The following ANKRD11 variants were observed in gnomAD, a reference collection of about 807,000 sequenced individuals.
ANKRD11 encodes the protein ankyrin repeat domain 11, also known as ankyrin repeat domain-containing protein 11.
ANKRD11 carries 17 observed loss-of-function variants against 195.7 expected under a neutral mutation model. That is an observed-to-expected ratio of 0.09 (90% CI 0.06 to 0.13). The LOEUF is 0.13. Ranked by LOEUF, ANKRD11 falls within the 10% of genes least tolerant of loss-of-function variation. The pLI, the probability that ANKRD11 is intolerant of heterozygous loss-of-function variation, is 1.00. For synonymous variants in ANKRD11, 1,953 were observed against 1,528.1 expected (o/e 1.28, Z -6.49); for missense variants, 3,735 against 3,566.1 (o/e 1.05, Z -1.21).
intron 4 of ANKRD11, chr16:89,299,124 A>C (rs1412510667): frequency 6.5e-6 from 1 of 153,566 alleles, no homozygotes; most frequent in Non-Finnish European, 1.5e-5. Flanking sequence ...CTTTCCAGAG[A>C]CTCACGAGGT....
At chr16:89,445,060 G>T (rs1346621287) in intron 1 of ANKRD11, among the ~76,000 whole-genome samples, 2 of 152,178 alleles carry the variant, frequency 1.3e-5, no homozygotes, top group Non-Finnish European at 2.9e-5. Flanking sequence ...TCAGCATCCA[G>T]GTGTGCTGGC....
chr16:89,284,598 G>T lies in ANKRD11; in HGVS notation c.1944C>A (p.Ile648=). ...HKNKEKGQCS[I]SQELKLKSFT... ...AACTTTTCAACTTCAGCTCTTGGCTGATGGAACACTGTCCCTTCTCCTTGT... is the reference window on the plus strand; with the variant it reads ...AACTTTTCAACTTCAGCTCTTGGCTTATGGAACACTGTCCCTTCTCCTTGT... Residue 648 remains isoleucine (I), a synonymous_variant, in exon 9 of 13, where the codon ATC becomes ATA. Transcript: ENST00000301030. 1 of 1,614,136 alleles carries T rather than the reference G, an allele frequency of 6.2e-7. No homozygotes were observed. Among genetic ancestry groups the T allele is most frequent in the Non-Finnish European group, 8.5e-7 (1 of 1,180,026 alleles).
intron 3 of ANKRD11, among the ~76,000 whole-genome samples, chr16:89,310,078 T>C (rs1400042577): frequency 1.3e-5 from 2 of 152,186 alleles, no homozygotes; most frequent in Non-Finnish European, 2.9e-5. Context: ...GTTGACACCC[T>C]CCCCCTGGAG....
At chr16:89,408,030 T>C (rs1384395032) in intron 2 of ANKRD11, among the ~76,000 whole-genome samples, 1 of 152,076 alleles carries the variant, frequency 6.6e-6, no homozygotes, top group Non-Finnish European at 1.5e-5. Context: ...ACAGCTGCCA[T>C]GCAGTGGTAG....
chr16:89,415,242 C>T (rs889620381), intron 2 of ANKRD11, among the ~76,000 whole-genome samples: 2 of 150,056 alleles, frequency 1.3e-5, no homozygotes, highest in African/African-American at 2.5e-5. Context: ...GTGGGAGCCA[C>T]TGCACCTGGC....
chr16:89,304,937 G>T (rs901721920), intron 4 of ANKRD11, among the ~76,000 whole-genome samples: 1 of 152,226 alleles, frequency 6.6e-6, no homozygotes, highest in Non-Finnish European at 1.5e-5. Flanking sequence ...CCTCGCCCAG[G>T]GCTGGACATG....
intron 2 of ANKRD11, among the ~76,000 whole-genome samples, chr16:89,379,195 C>T (rs763205900): frequency 5.9e-5 from 9 of 152,240 alleles, no homozygotes; most frequent in Non-Finnish European, 1.0e-4. Flanking sequence ...TGCTGGCAGC[C>T]GGCGGGCTAG....
chr16:89,355,932 C>T lies in ANKRD11; in HGVS notation c.-59-38854G>A, dbSNP rs112900553. The stretch of plus-strand genomic sequence containing the variant: ...AGCTCGGGAGACCAGGGCTCAGGAA[C>T]GCTAAGTGACTCGCCCAAGACCACC... On this transcript the variant is annotated intron_variant, in intron 2 of 12. Coordinates refer to ENST00000301030, the MANE Select transcript of ANKRD11 (RefSeq NM_013275.6). 8.5e-5 allele frequency among the ~76,000 whole-genome samples: 13 copies of T among 152,268 alleles called. No homozygotes were observed. In the East Asian group the frequency reaches 2.5e-3, roughly 30 times the overall value.
At chr16:89,478,521 C>A (rs755676387) in intron 1 of ANKRD11, among the ~76,000 whole-genome samples, 2 of 152,200 alleles carry the variant, frequency 1.3e-5, no homozygotes, top group Non-Finnish European at 2.9e-5. Context: ...CAAGGACCCA[C>A]TGCCCTCCAA....
chr16:89,478,773 C>A (rs1432226897), intron 1 of ANKRD11, among the ~76,000 whole-genome samples: 1 of 152,222 alleles, frequency 6.6e-6, no homozygotes, highest in Non-Finnish European at 1.5e-5. Flanking sequence ...AGGCTTAATG[C>A]AAATTCCTTA....
chr16:89,414,583 G>A (rs908384882), intron 2 of ANKRD11, among the ~76,000 whole-genome samples: 3 of 152,220 alleles, frequency 2.0e-5, no homozygotes, highest in African/African-American at 7.2e-5. Context: ...TAATCTCCAA[G>A]GAAGTCTTTA....
chr16:89,323,271 C>T (rs1480425706), intron 2 of ANKRD11: 1 of 1,285,024 alleles, frequency 7.8e-7, no homozygotes, highest in African/African-American at 1.5e-5. Flanking sequence ...ACCTGGCAGG[C>T]CTACTGTGTG....
chr16:89,339,116 C>T (rs1225192554), intron 2 of ANKRD11, among the ~76,000 whole-genome samples: 1 of 152,150 alleles, frequency 6.6e-6, no homozygotes, highest in Non-Finnish European at 1.5e-5. Context: ...CCCAGGATCC[C>T]TGTAATTATA....
intron 2 of ANKRD11, among the ~76,000 whole-genome samples, chr16:89,354,520 G>C (rs1168930222): frequency 1.3e-5 from 2 of 152,220 alleles, no homozygotes; most frequent in Non-Finnish European, 2.9e-5. Flanking sequence ...ACCTGCTCTT[G>C]ATAGGGAGGG....
chr16:89,283,880 T>A lies in ANKRD11; in HGVS notation c.2662A>T (p.Arg888Trp), dbSNP rs1194239296. The change falls in exon 9 of 13, where the codon AGG becomes TGG. Residue 888 changes from arginine to tryptophan, a missense_variant. Coordinates refer to ENST00000301030, the MANE Select transcript of ANKRD11 (RefSeq NM_013275.6). This position sits in a 1 kb window ranked among gnomAD's most constrained non-coding sequence, Gnocchi z 4.3. ...LETVKEDSKE[R>W]RRDSRAREKR... The stretch of plus-strand genomic sequence containing the variant: ...TCCCGGGCCCGGCTGTCCCGCCTCC[T>A]CTCCTTGCTGTCCTCCTTCACCGTC... 6.2e-7 allele frequency: 1 copy of A among 1,614,012 alleles called. No individual in the cohort carries two copies. The highest frequency in any genetic ancestry group is 1.3e-5 in the African/African-American group (1 of 74,902).
intron 12 of ANKRD11, among the ~76,000 whole-genome samples, 174 bp from the exon 13 acceptor site, chr16:89,268,837 G>A (rs1215757623): frequency 6.6e-6 from 1 of 152,244 alleles, no homozygotes; most frequent in Admixed American, 6.5e-5. Context: ...CGTGGCGGTA[G>A]CGCCAGCTGT....
intron 1 of ANKRD11, among the ~76,000 whole-genome samples, chr16:89,447,547 A>G (rs1170722051): frequency 6.6e-6 from 1 of 151,574 alleles, no homozygotes; most frequent in East Asian, 1.9e-4. Context: ...GTGCACTCAC[A>G]CTCCCTGCTG....
At chr16:89,489,579 T>C (rs540964790) in intron 1 of ANKRD11, among the ~76,000 whole-genome samples, 44 of 151,216 alleles carry the variant, frequency 2.9e-4, no homozygotes, top group Admixed American at 9.2e-4. Flanking sequence ...GCGATAATAA[T>C]AGGGACGCTG....
At chr16:89,362,896 C>T (rs971906279) in intron 2 of ANKRD11, among the ~76,000 whole-genome samples, 1 of 152,006 alleles carries the variant, frequency 6.6e-6, no homozygotes, top group African/African-American at 2.4e-5. Context: ...GCTAGCCAAT[C>T]GGGACAAATA....
Sources: gnomAD v4.1 joint callset for allele counts (sites outside exome capture counted in the v4.1 genomes callset) on GRCh38, gnomAD v4.1.1 for gene constraint, Gnocchi (gnomAD v3.1) non-coding constraint, MANE v1.5 for transcripts, NCBI Gene and HGNC (gene_info 2026-07-23, HGNC 2026-07-21) for gene names.